The following FRAS1 variants were observed in gnomAD, a reference collection of about 807,000 sequenced individuals.
The protein encoded by FRAS1 is Fraser extracellular matrix complex subunit 1.
In FRAS1, 290 loss-of-function variants were observed where a neutral mutation model predicts 435.2. That is an observed-to-expected ratio of 0.67 (90% CI 0.61 to 0.73). The LOEUF (loss-of-function observed/expected upper bound fraction) is 0.73. FRAS1 is among the 30% of genes least tolerant of loss of function. The pLI, the probability that FRAS1 is intolerant of heterozygous loss-of-function variation, is 0.00. For missense variants in FRAS1, 4,860 were observed against 5,001.5 expected (o/e 0.97, Z 0.85); for synonymous variants, 1,800 against 1,851.0 (o/e 0.97, Z 0.71).
intron 10 of FRAS1, 146 bp downstream of exon 10, chr4:78,278,890 A>G: frequency 1.6e-6 from 1 of 608,916 alleles, no homozygotes; most frequent in Non-Finnish European, 2.9e-6. Flanking sequence ...CTCTGGGGAC[A>G]CAGAAGGGAA....
intron 2 of FRAS1, among the ~76,000 whole-genome samples, chr4:78,219,050 A>C (rs1422905787): frequency 1.3e-5 from 2 of 152,190 alleles, no homozygotes; most frequent in Non-Finnish European, 2.9e-5. Flanking sequence ...AATTCAGGAA[A>C]TGCTTCTATG....
chr4:78,200,483 G>A (rs1198019377), intron 2 of FRAS1, among the ~76,000 whole-genome samples: 5 of 152,184 alleles, frequency 3.3e-5, no homozygotes, highest in African/African-American at 7.2e-5. Flanking sequence ...GTGAAGAAAG[G>A]ATATGCTTCA....
chr4:78,271,938 A>G (rs185167825), intron 9 of FRAS1, among the ~76,000 whole-genome samples: 2,872 of 152,302 alleles, frequency 0.019, 95 homozygotes, highest in African/African-American at 0.066. Context: ...CCAACAGTGT[A>G]AAAGTGTTCC....
At chr4:78,484,053 T>C (rs1720098307) in intron 58 of FRAS1, among the ~76,000 whole-genome samples, 1 of 152,038 alleles carries the variant, frequency 6.6e-6, no homozygotes, top group South Asian at 2.1e-4. Context: ...TTGTCGTCTG[T>C]GTCTCCTTAG....
intron 15 of FRAS1, among the ~76,000 whole-genome samples, chr4:78,310,964 TTACAGTAACCAGGTTCACCTGTGG>T (rs1424446524): frequency 1.1e-4 from 17 of 152,316 alleles, no homozygotes; most frequent in Admixed American, 1.0e-3. Context: ...CTGAAAGATC[TTACAGTAACCAGGTTCACCTGTGG>T]TACGTGTATT....
Position 78,482,447 on chromosome 4 carries a change from A to C in FRAS1, c.8664A>C (p.Thr2888=). ...ATCCGGTAATTGAAGGACTGGAGACATTTGTGGTTTTCCTCAGCTCAGCAC... is the reference window on the plus strand; with the variant it reads ...ATCCGGTAATTGAAGGACTGGAGACCTTTGTGGTTTTCCTCAGCTCAGCAC... ...TQYPVIEGLE[T]FVVFLSSAQG... Residue 2888 remains threonine (T), a synonymous_variant, in exon 58 of 74, where the codon ACA becomes ACC. Coordinates refer to ENST00000512123, the MANE Select transcript of FRAS1 (RefSeq NM_025074.7). 2 of 1,613,980 alleles carry C rather than the reference A, an allele frequency of 1.2e-6. No individual in the cohort carries two copies. Among genetic ancestry groups the C allele is most frequent in the South Asian group, 1.1e-5 (1 of 91,090 alleles).
chr4:78,331,838 A>G (rs966956685), intron 18 of FRAS1, among the ~76,000 whole-genome samples: 1 of 152,208 alleles, frequency 6.6e-6, no homozygotes, highest in African/African-American at 2.4e-5. Flanking sequence ...TGGTTGTTTT[A>G]ACATGTAGTT....
intron 44 of FRAS1, 38 bp downstream of exon 44, chr4:78,448,354 T>C: frequency 1.3e-6 from 2 of 1,531,200 alleles, no homozygotes; most frequent in Non-Finnish European, 8.8e-7. Flanking sequence ...ATGGTTTTTC[T>C]ATCCTTATTT....
Position 78,252,598 on chromosome 4 carries a change from A to G in FRAS1, c.469+47A>G, listed in dbSNP as rs538430149. ...GGGACCCTCTTTGCTTGGGAGGTTCACATGGCTATCGGGGGAACCAGCCCT... is the reference window on the plus strand; with the variant it reads ...GGGACCCTCTTTGCTTGGGAGGTTCGCATGGCTATCGGGGGAACCAGCCCT... On this transcript the variant is annotated intron_variant, in intron 5 of 73. Coordinates refer to ENST00000512123, the MANE Select transcript of FRAS1 (RefSeq NM_025074.7). 1.1e-4 allele frequency: 163 copies of G among 1,550,336 alleles called. 3 individuals are homozygous for G. In the South Asian group the frequency reaches 1.8e-3, roughly 17 times the overall value.
chr4:78,103,055 T>C (rs889037044), intron 2 of FRAS1, among the ~76,000 whole-genome samples: 6 of 152,114 alleles, frequency 3.9e-5, no homozygotes, highest in African/African-American at 1.4e-4. Flanking sequence ...CCTTTCCCAC[T>C]ATGACACAGA....
chr4:78,081,380 T>C (rs1475521984), intron 2 of FRAS1, among the ~76,000 whole-genome samples: 1 of 152,148 alleles, frequency 6.6e-6, no homozygotes, highest in African/African-American at 2.4e-5. Flanking sequence ...TAATTAAATT[T>C]AAATAGTTAT....
intron 2 of FRAS1, among the ~76,000 whole-genome samples, chr4:78,090,827 ACT>A (rs983026848): frequency 3.3e-5 from 5 of 152,208 alleles, no homozygotes; most frequent in African/African-American, 1.2e-4. Context: ...TTGTGCATTA[ACT>A]CAGCATAATT....
At chr4:78,058,930 C>G (rs1263137755) in intron 1 of FRAS1, among the ~76,000 whole-genome samples, 3 of 152,204 alleles carry the variant, frequency 2.0e-5, no homozygotes, top group Non-Finnish European at 4.4e-5. Flanking sequence ...CCTCCTGCTC[C>G]GAGGAGCCAG....
chr4:78,194,157 G>C (rs1722688487), intron 2 of FRAS1, among the ~76,000 whole-genome samples: 1 of 152,192 alleles, frequency 6.6e-6, no homozygotes, highest in Non-Finnish European at 1.5e-5. Context: ...AGTCTGATGG[G>C]CTTCCCTTTG....
chr4:78,440,472 G>C (rs989229930), intron 40 of FRAS1, among the ~76,000 whole-genome samples: 3 of 152,100 alleles, frequency 2.0e-5, no homozygotes, highest in African/African-American at 7.2e-5. Context: ...TCTTCCTACA[G>C]TTAGCCAAGA....
intron 3 of FRAS1, among the ~76,000 whole-genome samples, chr4:78,244,966 CA>C (rs891403469): frequency 5.9e-5 from 9 of 152,240 alleles, no homozygotes; most frequent in South Asian, 2.1e-4. Flanking sequence ...TCTAGTGAAA[CA>C]AAGTCTCAAG....
chr4:78,502,727 C>T (rs908595288), intron 61 of FRAS1, among the ~76,000 whole-genome samples: 21 of 152,066 alleles, frequency 1.4e-4, no homozygotes, highest in Non-Finnish European at 2.6e-4. Flanking sequence ...GCCTGATTGC[C>T]CTGGCCAGAA....
chr4:78,284,895 A>G (rs1339691334), intron 13 of FRAS1, among the ~76,000 whole-genome samples: 1 of 152,192 alleles, frequency 6.6e-6, no homozygotes, highest in Non-Finnish European at 1.5e-5. Context: ...TTCTTAAAGC[A>G]CTCAATTAAT....
intron 6 of FRAS1, among the ~76,000 whole-genome samples, chr4:78,258,155 A>G (rs1725876415): frequency 6.6e-6 from 1 of 152,036 alleles, no homozygotes; most frequent in Non-Finnish European, 1.5e-5. Context: ...ATCCTGGGCA[A>G]TGTGGCAAAA....
Sources: allele counts gnomAD v4.1 joint callset (sites outside exome capture counted in the v4.1 genomes callset), GRCh38; gene constraint gnomAD v4.1.1; transcripts MANE v1.5; gene names NCBI Gene and HGNC (gene_info 2026-07-23, HGNC 2026-07-21).